The following ACLY variants were observed in gnomAD, a reference collection of about 807,000 sequenced individuals.
ACLY encodes ATP-citrate synthase.
Under a neutral mutation model 133.0 loss-of-function variants are expected in ACLY, and 41 were observed. That is an observed-to-expected ratio of 0.31 (90% CI 0.24 to 0.40). The LOEUF is 0.40. Ranked by LOEUF, ACLY falls within the 10% of genes least tolerant of loss-of-function variation. The pLI, the probability that ACLY is intolerant of heterozygous loss-of-function variation, is 1.00. For synonymous variants in ACLY, 495 were observed against 549.3 expected (o/e 0.90, Z 1.38); for missense variants, 1,046 against 1,453.8 (o/e 0.72, Z 4.56).
intron 23 of ACLY, 147 bp from the exon 24 acceptor site, chr17:41,872,329 CCTGATTCTTTTCTTTAGA>C (rs1456873108): frequency 2.7e-6 from 2 of 739,726 alleles, no homozygotes; most frequent in African/African-American, 3.5e-5. Flanking sequence ...GGCAAAACCT[CCTGATTCTTTTCTTTAGA>C]CAGAGTCTCA....
intron 26 of ACLY, 21 bp downstream of exon 26, chr17:41,869,453 A>G (rs2048543734): frequency 1.3e-6 from 2 of 1,588,372 alleles, no homozygotes; most frequent in African/African-American, 2.7e-5. Context: ...TGAGGGAATT[A>G]GGAAGTTTTT....
Position 41,909,637 on chromosome 17 carries a change from C to T in ACLY, c.409G>A (p.Glu137Lys), listed in dbSNP as rs782128270. 1.5e-5 allele frequency: 25 copies of T among 1,614,086 alleles called. No individual in the cohort carries two copies. Among genetic ancestry groups the T allele is most frequent in the Admixed American group, 6.7e-5 (4 of 60,008 alleles). Residue 137 changes from glutamate (E) to lysine (K), a missense_variant, in exon 5 of 29, where the codon GAG (glutamate) becomes AAG (lysine). Physicochemically the swap from Glu to Lys is moderately conservative, Grantham distance 56. This residue lies in a region of ACLY where 227 missense variants were observed against 245.6 expected (regional missense o/e 0.92). Coordinates refer to ENST00000352035, the MANE Select transcript of ACLY (RefSeq NM_001096.3). Reference sequence around the variant, plus strand: ...ACATCACCCACGTCCACACCCCCCTCGTGGTGGAACAGGACGTAGTCCCCT... The same window carrying T: ...ACATCACCCACGTCCACACCCCCCTTGTGGTGGAACAGGACGTAGTCCCCT... ...REGDYVLFHH[E>K]GGVDVGDVDA...
In ACLY at chr17:41,913,877, T is replaced by C; in HGVS notation, c.-4A>G. The C allele has an allele frequency of 6.2e-7, 1 of 1,614,186 alleles. No individual in the cohort carries two copies. The highest frequency in any genetic ancestry group is 2.2e-5 in the East Asian group (1 of 44,874). On this transcript the variant is annotated 5_prime_UTR_variant, in exon 2 of 29. Coordinates refer to ENST00000352035, the MANE Select transcript of ACLY (RefSeq NM_001096.3). ...CTGAAATTGCCTTGGCCGACATGGC[T>C]GCAGAGAGACCTGCTCTACCTGTCT... is the stretch of plus-strand genomic sequence containing the variant.
At chr17:41,894,426 G>GA (rs2049306460) in intron 14 of ACLY, among the ~76,000 whole-genome samples, 2 of 140,148 alleles carry the variant, frequency 1.4e-5, no homozygotes, top group Admixed American at 1.4e-4. Context: ...GGAGCTGGTA[G>GA]AAGTGCAGTT....
At chr17:41,896,488 T>A (rs1256283172) in intron 14 of ACLY, 132 bp downstream of exon 14, 1 of 801,250 alleles carries the variant, frequency 1.2e-6, no homozygotes, top group Non-Finnish European at 1.9e-6. Flanking sequence ...TCAGGCCACA[T>A]CAAGGCAGGG....
At chr17:41,929,865 CGTGTGTGTGT>C (rs34705137) in intron 1 of ACLY, among the ~76,000 whole-genome samples, 11 of 149,954 alleles carry the variant, frequency 7.3e-5, no homozygotes, top group Non-Finnish European at 1.5e-4. Context: ...ACATGTATGC[CGTGTGTGTGT>C]GTGTGTGTGT....
At chr17:41,921,687 C>A (rs1555635457), upstream of ACLY, among the ~76,000 whole-genome samples, 2 of 151,972 alleles carry the variant, frequency 1.3e-5, no homozygotes, top group East Asian at 3.9e-4. Context: ...ATTAGCTGGG[C>A]AGCTGGGCAT....
chr17:41,915,483 G>A (rs1260109217), intron 1 of ACLY, among the ~76,000 whole-genome samples: 4 of 152,106 alleles, frequency 2.6e-5, no homozygotes, highest in African/African-American at 9.7e-5. Context: ...CCTCCCAATC[G>A]GCCAGGCTGG....
chr17:41,888,081 C>T (rs570075468), intron 16 of ACLY, among the ~76,000 whole-genome samples: 10 of 151,938 alleles, frequency 6.6e-5, no homozygotes, highest in Non-Finnish European at 1.3e-4. Flanking sequence ...TGAGCTGAGA[C>T]GGCACCACTG....
intron 7 of ACLY, among the ~76,000 whole-genome samples, chr17:41,907,225 T>C (rs1486026547): frequency 6.6e-6 from 1 of 152,126 alleles, no homozygotes; most frequent in Non-Finnish European, 1.5e-5. Context: ...GGAGGCTGAT[T>C]GAGAGAGAAA....
rs782110532 is a variant in ACLY at position 41,883,199 on chromosome 17, C to G, written c.2188G>C (p.Gly730Arg). The G allele has an allele frequency of 4.3e-6, 7 of 1,613,972 alleles. No homozygotes were observed. The highest frequency in any genetic ancestry group is 5.9e-6 in the Non-Finnish European group (7 of 1,180,024). Residue 730 changes from glycine (G) to arginine (R), a missense_variant, in exon 20 of 29, where the codon GGC (glycine) becomes CGC (arginine). Physicochemically the swap from Gly to Arg is moderately radical, Grantham distance 125. Coordinates refer to ENST00000352035, the MANE Select transcript of ACLY (RefSeq NM_001096.3). ...TTAGTGAGGCGGCCCTCCTTGATGC[C>G]CCGGCAAATCTTATATTCCTCAGTG... Reference protein sequence around the residue: ...GGTEEYKICRGIKEGRLTKPI... With the variant: ...GGTEEYKICRRIKEGRLTKPI...
intron 2 of ACLY, among the ~76,000 whole-genome samples, chr17:41,913,170 A>C (rs1416114081): frequency 6.6e-6 from 1 of 152,206 alleles, no homozygotes; most frequent in Non-Finnish European, 1.5e-5. Context: ...CCCTGCAAAG[A>C]TCTCAAGAAC....
chr17:41,893,180 G>A lies in ACLY; in HGVS notation c.1460-6C>T, dbSNP rs1555629707. On this transcript the variant is annotated splice_region_variant and splice_polypyrimidine_tract_variant and intron_variant, in intron 14 of 28. Coordinates refer to ENST00000352035, the MANE Select transcript of ACLY (RefSeq NM_001096.3). ...GAAGAGGGTGGTGCTCTTTCCTGGTGGGCAAAGACACAGAGAGTGCACCCA... is the reference window on the plus strand; with the variant it reads ...GAAGAGGGTGGTGCTCTTTCCTGGTAGGCAAAGACACAGAGAGTGCACCCA... The A allele has an allele frequency of 6.2e-7, 1 of 1,611,258 alleles. No individual in the cohort carries two copies. Among genetic ancestry groups the A allele is most frequent in the Admixed American group, 1.7e-5 (1 of 59,840 alleles).
intron 17 of ACLY, among the ~76,000 whole-genome samples, chr17:41,887,142 A>C (rs1555628338): frequency 5.3e-5 from 1 of 19,022 alleles, no homozygotes; most frequent in Admixed American, 1.4e-3. Flanking sequence ...AAAAAAAAAA[A>C]AAAAAAAAAA....
At chr17:41,896,459 G>A (rs1196541247) in intron 14 of ACLY, among the ~76,000 whole-genome samples, 161 bp downstream of exon 14, 1 of 152,176 alleles carries the variant, frequency 6.6e-6, no homozygotes, top group African/African-American at 2.4e-5. Context: ...GAGGAAGAGC[G>A]AAGACTTAGG....
intron 3 of ACLY, among the ~76,000 whole-genome samples, 196 bp downstream of exon 3, chr17:41,912,224 G>A (rs1332019220): frequency 2.0e-5 from 3 of 152,198 alleles, no homozygotes; most frequent in Admixed American, 2.0e-4. Context: ...TTTGGATGAT[G>A]AGGGAGCTGG....
At chr17:41,907,594 T>C in intron 6 of ACLY, 22 bp from the exon 7 acceptor site, 1 of 1,610,358 alleles carries the variant, frequency 6.2e-7, no homozygotes, top group Non-Finnish European at 8.5e-7. Context: ...GCAGAGGCAA[T>C]CATCAGACAC....
chr17:41,892,883 G>A, intron 15 of ACLY, 150 bp downstream of exon 15: 1 of 935,438 alleles, frequency 1.1e-6, no homozygotes, highest in Non-Finnish European at 1.6e-6. Flanking sequence ...TCCCTATGTT[G>A]CCCAGGGCTG....
intron 22 of ACLY, among the ~76,000 whole-genome samples, chr17:41,876,577 C>A (rs2048765345): frequency 2.0e-5 from 3 of 152,340 alleles, no homozygotes; most frequent in South Asian, 4.1e-4. Context: ...AAGAAAAATT[C>A]TTCTGCCTTG....
Sources: gnomAD v4.1 joint callset for allele counts (sites outside exome capture counted in the v4.1 genomes callset) on GRCh38, gnomAD v4.1.1 for gene constraint, gnomAD v4.1.1 regional missense constraint, MANE v1.5 for transcripts, NCBI Gene and HGNC (gene_info 2026-07-23, HGNC 2026-07-21) for gene names.